CEP112: variants seen among roughly 807,000 people sequenced by gnomAD.
CEP112 encodes centrosomal protein 112.
Under a neutral mutation model 153.0 loss-of-function variants are expected in CEP112, and 127 were observed. The observed-to-expected ratio is 0.83, with a 90% CI of 0.72 to 0.96. The LOEUF is 0.96. Ranked by LOEUF, CEP112 falls within the 40% of genes least tolerant of loss-of-function variation. The probability of loss-of-function intolerance (pLI) is 0.00; values close to 1 mark genes in which losing one functional copy is unlikely to be tolerated. For synonymous variants in CEP112, 358 were observed against 374.4 expected, an observed-to-expected ratio of 0.96 and a Z score of 0.51; for missense variants, 1,089 against 1,101.2, an observed-to-expected ratio of 0.99 and a Z score of 0.16.
At chr17:65,936,798 C>CCCCCCCCCCCCT (rs1303080625) in intron 18 of CEP112, among the ~76,000 whole-genome samples, 1 of 122,456 alleles carries the variant, frequency 8.2e-6, no homozygotes, top group Admixed American at 9.3e-5. Context: ...CTACCTCTCC[C>CCCCCCCCCCCCT]CCTCCCCCTC....
intron 18 of CEP112, among the ~76,000 whole-genome samples, chr17:65,940,239 G>A (rs1408780522): frequency 1.3e-5 from 2 of 152,278 alleles, no homozygotes; most frequent in East Asian, 3.9e-4. Flanking sequence ...AAGTGAACAA[G>A]TGCTGCTGAG....
chr17:65,693,806 C>T (rs764628842), intron 23 of CEP112, among the ~76,000 whole-genome samples: 2 of 152,172 alleles, frequency 1.3e-5, no homozygotes, highest in African/African-American at 2.4e-5. Flanking sequence ...TATTAGGAGA[C>T]AGGACCTCTG....
chr17:65,944,949 T>C (rs1238042555), intron 18 of CEP112, among the ~76,000 whole-genome samples: 1 of 152,146 alleles, frequency 6.6e-6, no homozygotes, highest in Non-Finnish European at 1.5e-5. Flanking sequence ...AAACATTTTA[T>C]TGAAATATAA....
At chr17:66,119,623 T>A (rs1340000230) in intron 6 of CEP112, among the ~76,000 whole-genome samples, 2 of 152,196 alleles carry the variant, frequency 1.3e-5, no homozygotes, top group African/African-American at 4.8e-5. Flanking sequence ...TTATCCAGTC[T>A]CCAGTTGAGG....
chr17:65,947,173 A>T (rs1169082225), intron 18 of CEP112, among the ~76,000 whole-genome samples: 7 of 152,148 alleles, frequency 4.6e-5, no homozygotes, highest in Non-Finnish European at 1.0e-4. Context: ...TGCATAACTC[A>T]TTGGGCTACC....
chr17:65,679,979 C>T (rs2047435210), intron 24 of CEP112, among the ~76,000 whole-genome samples: 1 of 152,180 alleles, frequency 6.6e-6, no homozygotes, highest in Admixed American at 6.5e-5. Context: ...ACCCAGAGAC[C>T]TAGGAAGGAA....
At chr17:65,989,551 C>A (rs756115051) in intron 17 of CEP112, among the ~76,000 whole-genome samples, 2 of 151,710 alleles carry the variant, frequency 1.3e-5, no homozygotes, top group Non-Finnish European at 2.9e-5. Flanking sequence ...GAAATAAAGT[C>A]TTTCCCTGAC....
At chr17:66,076,802 A>G (rs1161334654) in intron 8 of CEP112, among the ~76,000 whole-genome samples, 3 of 152,156 alleles carry the variant, frequency 2.0e-5, no homozygotes, top group Non-Finnish European at 2.9e-5. Flanking sequence ...CACAGAGTCC[A>G]TTTCACCCTC....
At chr17:66,065,451 T>C (rs1166047382) in intron 10 of CEP112, among the ~76,000 whole-genome samples, 2 of 151,976 alleles carry the variant, frequency 1.3e-5, no homozygotes, top group Non-Finnish European at 2.9e-5. Flanking sequence ...CTCTGTTCAA[T>C]ACACCCTCCA....
At chr17:66,188,507 C>A (rs2073035207) in intron 1 of CEP112, among the ~76,000 whole-genome samples, 1 of 150,598 alleles carries the variant, frequency 6.6e-6, no homozygotes, top group Admixed American at 6.7e-5. Context: ...TGAAGCTGGC[C>A]CCCCCTTGCC....
intron 20 of CEP112, among the ~76,000 whole-genome samples, chr17:65,884,706 CTTTTT>C (rs11370374): frequency 9.9e-5 from 13 of 130,670 alleles, no homozygotes; most frequent in African/African-American, 3.7e-4. Context: ...TTTGTAGTTT[CTTTTT>C]TTTTTTTCTT....
At position 65,968,005 on chromosome 17, in the gene CEP112, T is replaced by C. The variant is rs541308323; in HGVS notation, c.1737-6407A>G. ...TATGTCCCTATATTTAACAAATGAT[T>C]AAAACTTCCATTTATAAATTGTACA... On this transcript the variant is annotated intron_variant, in intron 17 of 26. Coordinates refer to ENST00000535342, the MANE Select transcript of CEP112 (RefSeq NM_001199165.4). 3.3e-5 allele frequency among the ~76,000 whole-genome samples: 5 copies of C among 152,298 alleles called. No homozygotes were observed. The South Asian group carries it at 1.0e-3, about 32-fold the overall frequency.
At chr17:66,089,528 C>T (rs950436279) in intron 8 of CEP112, among the ~76,000 whole-genome samples, 2 of 151,626 alleles carry the variant, frequency 1.3e-5, no homozygotes, top group East Asian at 1.9e-4. Context: ...CAAAATATAA[C>T]GAATGAAAAG....
chr17:65,736,212 G>A (rs1282697793), intron 23 of CEP112, among the ~76,000 whole-genome samples: 1 of 152,096 alleles, frequency 6.6e-6, no homozygotes, highest in Non-Finnish European at 1.5e-5. Context: ...CCTATGAGAG[G>A]TAAGGGAAGG....
intron 21 of CEP112, among the ~76,000 whole-genome samples, chr17:65,844,133 C>T (rs1264346030): frequency 1.2e-4 from 18 of 152,110 alleles, no homozygotes; most frequent in Admixed American, 1.2e-3. Flanking sequence ...TGTAAATGTT[C>T]AATCTCTCAC....
intron 20 of CEP112, among the ~76,000 whole-genome samples, chr17:65,860,175 G>A (rs2146383557): frequency 6.6e-6 from 1 of 152,004 alleles, no homozygotes; most frequent in Middle Eastern, 3.4e-3. Context: ...TTATACATCA[G>A]CAAAAAAATT....
chr17:65,703,470 C>T (rs1416657752), intron 23 of CEP112, among the ~76,000 whole-genome samples: 3 of 147,898 alleles, frequency 2.0e-5, no homozygotes, highest in South Asian at 4.3e-4. Flanking sequence ...GAGATTGTGC[C>T]ACTGCACTCC....
intron 21 of CEP112, among the ~76,000 whole-genome samples, chr17:65,819,069 T>C (rs2056407787): frequency 6.6e-6 from 1 of 151,936 alleles, no homozygotes; most frequent in Non-Finnish European, 1.5e-5. Flanking sequence ...TTTGAAATAA[T>C]GACTTTTAAA....
intron 24 of CEP112, among the ~76,000 whole-genome samples, chr17:65,645,645 G>C (rs910617282): frequency 1.3e-5 from 2 of 152,120 alleles, no homozygotes; most frequent in African/African-American, 4.8e-5. Flanking sequence ...CCTTGTGAGA[G>C]AGATGTTTAA....
Sources: gnomAD v4.1 joint callset for allele counts (sites outside exome capture counted in the v4.1 genomes callset) on GRCh38, gnomAD v4.1.1 for gene constraint, MANE v1.5 for transcripts, NCBI Gene and HGNC (gene_info 2026-07-23, HGNC 2026-07-21) for gene names.